PAIP2B: variants seen among roughly 807,000 people sequenced by gnomAD.
PAIP2B encodes the protein poly(A) binding protein interacting protein 2B, also known as polyadenylate-binding protein-interacting protein 2B.
In PAIP2B, 13 loss-of-function variants were observed where a neutral mutation model predicts 17.0. The ratio of observed to expected loss-of-function variants is 0.76; its 90% CI spans 0.50 to 1.22. The LOEUF (loss-of-function observed/expected upper bound fraction) is 1.22. Ranked by LOEUF, PAIP2B falls within the 50% of genes most tolerant of loss-of-function variation. The probability of loss-of-function intolerance (pLI) is 0.00; values close to 1 mark genes in which losing one functional copy is unlikely to be tolerated. For missense variants in PAIP2B, 117 were observed against 144.5 expected (o/e 0.81, Z 0.98); for synonymous variants, 43 against 48.7 (o/e 0.88, Z 0.48).
At chr2:71,197,016 C>G (rs868646798) in intron 2 of PAIP2B, among the ~76,000 whole-genome samples, 6 of 152,212 alleles carry the variant, frequency 3.9e-5, no homozygotes, top group South Asian at 2.1e-4. Flanking sequence ...CATTTACATT[C>G]AATGTTGGTA....
chr2:71,194,274 T>C (rs1306057116), intron 2 of PAIP2B, among the ~76,000 whole-genome samples: 1 of 152,230 alleles, frequency 6.6e-6, no homozygotes. Context: ...GGTAGTTTGA[T>C]AGGAATAGCA....
chr2:71,192,602 C>G (rs1674716103), intron 2 of PAIP2B, among the ~76,000 whole-genome samples: 1 of 152,088 alleles, frequency 6.6e-6, no homozygotes, highest in Non-Finnish European at 1.5e-5. Flanking sequence ...CCACCCACCC[C>G]CGTCAAGTAG....
In PAIP2B at chr2:71,186,661, C is replaced by A. The variant is rs1338437943; in HGVS notation, c.*1818G>T. 1 of 152,220 alleles carries A rather than the reference C, an allele frequency of 6.6e-6. No homozygotes were observed. The highest frequency in any genetic ancestry group is 6.5e-5 in the Admixed American group (1 of 15,278). 9.4% of individuals were successfully genotyped at this position (152,220 alleles called of 1,614,324 possible). ...TTAGAGGAAACAACCCAGCTGAAAG[C>A]TGAAGCTTGAATAAAGAAGTTTCTT... On this transcript the variant is annotated 3_prime_UTR_variant, in exon 4 of 4. Coordinates refer to ENST00000244221, the MANE Select transcript of PAIP2B (RefSeq NM_020459.1).
At chr2:71,226,739 G>A (rs866163035) in intron 1 of PAIP2B, among the ~76,000 whole-genome samples, 189 bp downstream of exon 1, 1 of 152,162 alleles carries the variant, frequency 6.6e-6, no homozygotes, top group Admixed American at 6.5e-5. Context: ...CCCAGCGGAC[G>A]CCCCTTTTCG....
At chr2:71,222,451 A>G (rs1675610495) in intron 1 of PAIP2B, among the ~76,000 whole-genome samples, 1 of 152,206 alleles carries the variant, frequency 6.6e-6, no homozygotes, top group African/African-American at 2.4e-5. Context: ...GACTAATCCA[A>G]TCAGATATTC....
Position 71,187,684 on chromosome 2 carries a change from C to G in PAIP2B, c.*795G>C, listed in dbSNP as rs1674573263. ...GCAGTATCTTTTCTTAAAAAGGAGG[C>G]TGGGGAATAGACTTCATGAAAGATG... is the stretch of plus-strand genomic sequence containing the variant. On this transcript the variant is annotated 3_prime_UTR_variant, in exon 4 of 4. Coordinates refer to ENST00000244221, the MANE Select transcript of PAIP2B (RefSeq NM_020459.1). 1 of 152,146 alleles carries G rather than the reference C, an allele frequency of 6.6e-6. No homozygotes were observed. Among genetic ancestry groups the G allele is most frequent in the Non-Finnish European group, 1.5e-5 (1 of 68,034 alleles). The allele number at this position is 152,146 out of a possible 1,614,324, so 9.4% of individuals were successfully genotyped here. A position where few individuals can be genotyped will look rare whatever the true frequency, so the allele number is the denominator to read the frequency against.
chr2:71,201,008 G>GGTGTGT (rs70959217), intron 2 of PAIP2B, among the ~76,000 whole-genome samples: 11 of 32,306 alleles, frequency 3.4e-4, no homozygotes, highest in African/African-American at 4.7e-4. Context: ...TGTGTGTGTG[G>GGTGTGT]GTGTGTGTGT....
Position 71,188,340 on chromosome 2 carries a change from TCA to T in PAIP2B, c.*137_*138del. The T allele has an allele frequency of 1.5e-6, 1 of 663,808 alleles. No individual in the cohort carries two copies. The highest frequency in any genetic ancestry group is 3.7e-4 in the Middle Eastern group (1 of 2,692). 41.1% of individuals were successfully genotyped at this position (663,808 alleles called of 1,614,324 possible). A position where few individuals can be genotyped will look rare whatever the true frequency, so the allele number is the denominator to read the frequency against. On this transcript the variant is annotated 3_prime_UTR_variant, in exon 4 of 4. Coordinates refer to ENST00000244221, the MANE Select transcript of PAIP2B (RefSeq NM_020459.1). Reference sequence around the variant, plus strand: ...GACTGAGCATATTAGTTACTCAGAGTCACAGTATTGTGAGACCACCACTCCCC... The same window carrying T: ...GACTGAGCATATTAGTTACTCAGAGTCAGTATTGTGAGACCACCACTCCCC...
chr2:71,223,363 A>ATC (rs1675639838), intron 1 of PAIP2B, among the ~76,000 whole-genome samples: 1 of 152,036 alleles, frequency 6.6e-6, no homozygotes, highest in Non-Finnish European at 1.5e-5. Flanking sequence ...GTGAGCTGAA[A>ATC]TCGTGCCATT....
At chr2:71,207,596 T>C (rs1184597247) in intron 1 of PAIP2B, among the ~76,000 whole-genome samples, 4 of 152,192 alleles carry the variant, frequency 2.6e-5, no homozygotes, top group Non-Finnish European at 5.9e-5. Flanking sequence ...GACTGAGAGT[T>C]AATAATGAGA....
At chr2:71,193,842 A>C (rs968622859) in intron 2 of PAIP2B, among the ~76,000 whole-genome samples, 1 of 152,180 alleles carries the variant, frequency 6.6e-6, no homozygotes, top group African/African-American at 2.4e-5. Flanking sequence ...GTCCCAAAAA[A>C]AAAAAAAGTT....
chr2:71,223,788 G>C (rs1442754045), intron 1 of PAIP2B, among the ~76,000 whole-genome samples: 2 of 152,114 alleles, frequency 1.3e-5, no homozygotes, highest in African/African-American at 4.8e-5. Flanking sequence ...CAAACTGAAT[G>C]AATGAATATA....
At chr2:71,210,936 C>T (rs1035385582) in intron 1 of PAIP2B, among the ~76,000 whole-genome samples, 3 of 152,106 alleles carry the variant, frequency 2.0e-5, no homozygotes, top group Non-Finnish European at 4.4e-5. Flanking sequence ...CAGAAGCATA[C>T]TGAAATAGGA....
chr2:71,218,728 A>G (rs919166991), intron 1 of PAIP2B, among the ~76,000 whole-genome samples: 7 of 152,186 alleles, frequency 4.6e-5, no homozygotes, highest in African/African-American at 1.7e-4. Context: ...TTCACTTAAT[A>G]TATAGCCAGC....
rs563351736 is a variant in PAIP2B at position 71,196,899 on chromosome 2, A to G, written c.138+5553T>C. Among the ~76,000 whole-genome samples the G allele has an allele frequency of 4.6e-5, 7 of 152,218 alleles. No homozygotes were observed. The South Asian group carries it at 1.2e-3, about 27-fold the overall frequency. ...CTCTCCATCCCTTTATTTTGAGCCT[A>G]TGAGTGTCATTATGTGTGAGATGGG... On this transcript the variant is annotated intron_variant, in intron 2 of 3. Coordinates refer to ENST00000244221, the MANE Select transcript of PAIP2B (RefSeq NM_020459.1).
In PAIP2B at chr2:71,190,012, C is replaced by T. The variant is rs748062997; in HGVS notation, c.148G>A (p.Glu50Lys). ...EEDFNRQVEEELQEQDFLDRC... is the reference protein window; with the variant it reads ...EEDFNRQVEEKLQEQDFLDRC... Reference sequence around the variant, plus strand: ...TCCAAGAAGTCTTGCTCCTGCAGTTCCTCCTCCACCTAGCAAGCAAAGGGG... The same window carrying T: ...TCCAAGAAGTCTTGCTCCTGCAGTTTCTCCTCCACCTAGCAAGCAAAGGGG... Residue 50 changes from glutamate to lysine, a missense_variant, in exon 3 of 4, where the codon GAA becomes AAA. Transcript: ENST00000244221. 6 of 1,610,280 alleles carry T rather than the reference C, an allele frequency of 3.7e-6. No homozygotes were observed. Among genetic ancestry groups the T allele is most frequent in the Non-Finnish European group, 3.4e-6 (4 of 1,178,310 alleles).
At chr2:71,211,258 C>CA (rs34543785) in intron 1 of PAIP2B, among the ~76,000 whole-genome samples, 8,587 of 126,874 alleles carry the variant, frequency 0.068, 935 homozygotes, top group East Asian at 0.57. Context: ...AGACTTGTCT[C>CA]AAAAAAAAAA....
intron 1 of PAIP2B, among the ~76,000 whole-genome samples, chr2:71,217,200 C>G (rs1458535706): frequency 1.3e-5 from 2 of 152,214 alleles, no homozygotes; most frequent in Non-Finnish European, 2.9e-5. Context: ...GTGGCATGAT[C>G]TTGGCTCACT....
chr2:71,224,086 T>C (rs1249732085), intron 1 of PAIP2B, among the ~76,000 whole-genome samples: 1 of 152,216 alleles, frequency 6.6e-6, no homozygotes, highest in African/African-American at 2.4e-5. Context: ...CCCTCAGCCT[T>C]GTCTCAGCCC....
Sources: gnomAD v4.1 joint callset for allele counts (sites outside exome capture counted in the v4.1 genomes callset) on GRCh38, gnomAD v4.1.1 for gene constraint, MANE v1.5 for transcripts, NCBI Gene and HGNC (gene_info 2026-07-23, HGNC 2026-07-21) for gene names.